Variants in AUTS2 observed in about 807,000 individuals in gnomAD.
The protein encoded by AUTS2 is activator of transcription and developmental regulator AUTS2.
A neutral mutation model predicts 112.4 loss-of-function variants in AUTS2; 17 were observed. The ratio of observed to expected loss-of-function variants is 0.15; its 90% CI spans 0.10 to 0.23. The LOEUF is 0.23. Ranked by LOEUF, AUTS2 falls within the 10% of genes least tolerant of loss-of-function variation. AUTS2 has a pLI of 1.00. For missense variants in AUTS2, 1,510 were observed against 1,701.6 expected (o/e 0.89, Z 1.98); for synonymous variants, 751 against 702.7 (o/e 1.07, Z -1.09).
chr7:69,607,328 T>C (rs1287486012), intron 1 of AUTS2, among the ~76,000 whole-genome samples: 1 of 152,212 alleles, frequency 6.6e-6, no homozygotes, highest in African/African-American at 2.4e-5. Flanking sequence ...CTTTCCTCCC[T>C]TTCTCTCTCC....
Position 70,572,626 on chromosome 7 carries a change from G to A in AUTS2, c.691-125943G>A, listed in dbSNP as rs575089933. ...AATAAGCAGAAGTGACTGTGCAGCC[G>A]AGACCTAACAATATCTGCACTGAAT... On this transcript the variant is annotated intron_variant, in intron 5 of 18. Transcript: ENST00000342771. Among the ~76,000 whole-genome samples the A allele has an allele frequency of 4.6e-5, 7 of 152,240 alleles. No homozygotes were observed. In the South Asian group the frequency reaches 6.2e-4, roughly 14 times the overall value.
intron 2 of AUTS2, among the ~76,000 whole-genome samples, chr7:70,007,016 A>G (rs1176253763): frequency 6.6e-6 from 1 of 152,168 alleles, no homozygotes; most frequent in Non-Finnish European, 1.5e-5. Flanking sequence ...AGAATTAGGC[A>G]TATTGGATAT....
At chr7:70,167,992 T>C (rs1336340477) in intron 4 of AUTS2, among the ~76,000 whole-genome samples, 2 of 152,238 alleles carry the variant, frequency 1.3e-5, no homozygotes, top group Non-Finnish European at 2.9e-5. Flanking sequence ...GAAGTACATT[T>C]GGCATAAGGA....
At chr7:69,735,802 T>G (rs1196229338) in intron 1 of AUTS2, among the ~76,000 whole-genome samples, 3 of 152,214 alleles carry the variant, frequency 2.0e-5, no homozygotes, top group Admixed American at 2.0e-4. Flanking sequence ...AGACAGCCAG[T>G]GCAGGGGACT....
chr7:70,118,631 A>G (rs2129572736), intron 3 of AUTS2: 1 of 153,828 alleles, frequency 6.5e-6, no homozygotes, highest in East Asian at 1.9e-4. Flanking sequence ...ATACAAAATT[A>G]GCTGGGCGTG....
chr7:69,665,684 GT>G (rs1455886468), intron 1 of AUTS2, among the ~76,000 whole-genome samples: 1 of 152,022 alleles, frequency 6.6e-6, no homozygotes, highest in Non-Finnish European at 1.5e-5. Context: ...TGTTTAACTT[GT>G]TAAGCACCAG....
intron 4 of AUTS2, among the ~76,000 whole-genome samples, chr7:70,411,343 C>T (rs918006589): frequency 6.6e-6 from 1 of 152,110 alleles, no homozygotes; most frequent in Non-Finnish European, 1.5e-5. Context: ...GCATGATATG[C>T]ACAAATCACC....
At chr7:70,013,109 T>C (rs1799878533) in intron 2 of AUTS2, among the ~76,000 whole-genome samples, 1 of 152,056 alleles carries the variant, frequency 6.6e-6, no homozygotes, top group Non-Finnish European at 1.5e-5. Flanking sequence ...GGGGTGAAAA[T>C]GTGGGGACAC....
chr7:69,920,845 T>C (rs887849306), intron 2 of AUTS2, among the ~76,000 whole-genome samples: 3 of 152,230 alleles, frequency 2.0e-5, no homozygotes, highest in African/African-American at 2.4e-5. Flanking sequence ...CAGAGGAATA[T>C]AAGAGATGGT....
chr7:70,523,603 GC>G (rs1380145160), intron 5 of AUTS2, among the ~76,000 whole-genome samples: 1 of 152,132 alleles, frequency 6.6e-6, no homozygotes, highest in African/African-American at 2.4e-5. Context: ...CAGTTTGGGG[GC>G]GTCTAGGGGT....
At chr7:70,629,209 G>A (rs867683902) in intron 5 of AUTS2, among the ~76,000 whole-genome samples, 4 of 152,150 alleles carry the variant, frequency 2.6e-5, no homozygotes, top group East Asian at 1.9e-4. Flanking sequence ...GGTGGCTCAC[G>A]CCTGTAAGCC....
At chr7:70,044,925 A>G (rs1801432655) in intron 2 of AUTS2, among the ~76,000 whole-genome samples, 1 of 141,458 alleles carries the variant, frequency 7.1e-6, no homozygotes, top group African/African-American at 2.7e-5. Context: ...AAAGAAACCC[A>G]TAGCATGTTT....
intron 4 of AUTS2, among the ~76,000 whole-genome samples, chr7:70,331,997 A>G (rs1173718065): frequency 6.6e-6 from 1 of 152,176 alleles, no homozygotes; most frequent in Non-Finnish European, 1.5e-5. Flanking sequence ...AAAGGCATTC[A>G]AATAGGAAGA....
At chr7:70,207,252 T>C (rs554897469) in intron 4 of AUTS2, among the ~76,000 whole-genome samples, 21 of 152,332 alleles carry the variant, frequency 1.4e-4, no homozygotes, top group Admixed American at 3.3e-4. Flanking sequence ...ATGCTTACAT[T>C]GGGTGGGCCC....
intron 5 of AUTS2, among the ~76,000 whole-genome samples, chr7:70,577,817 TA>T (rs68053232): frequency 0.17 from 24,598 of 145,332 alleles, 2,199 homozygotes; most frequent in African/African-American, 0.25. Flanking sequence ...GGTTTTTTTT[TA>T]ATTTTTTTCT....
At chr7:70,238,644 C>T (rs754259251) in intron 4 of AUTS2, among the ~76,000 whole-genome samples, 20 of 151,474 alleles carry the variant, frequency 1.3e-4, no homozygotes, top group African/African-American at 2.4e-4. Context: ...GACAGTACCC[C>T]CTCTGAGTTT....
chr7:69,753,534 G>A (rs944664395), intron 1 of AUTS2, among the ~76,000 whole-genome samples: 2 of 152,164 alleles, frequency 1.3e-5, no homozygotes, highest in Non-Finnish European at 2.9e-5. Context: ...GGCTATGCGG[G>A]AGTTACTTAG....
At chr7:69,647,438 C>A (rs1003638145) in intron 1 of AUTS2, among the ~76,000 whole-genome samples, 2 of 151,856 alleles carry the variant, frequency 1.3e-5, no homozygotes, top group Admixed American at 1.3e-4. Flanking sequence ...GTAGCATCAA[C>A]TTCCCAGGGT....
intron 4 of AUTS2, among the ~76,000 whole-genome samples, chr7:70,371,740 A>T (rs1792848299): frequency 6.6e-6 from 1 of 152,200 alleles, no homozygotes; most frequent in Admixed American, 6.5e-5. Context: ...CAGTAAATTG[A>T]TGTAATGAGT....
Sources: gnomAD v4.1 joint callset for allele counts (sites outside exome capture counted in the v4.1 genomes callset) on GRCh38, gnomAD v4.1.1 for gene constraint, MANE v1.5 for transcripts, NCBI Gene and HGNC (gene_info 2026-07-23, HGNC 2026-07-21) for gene names.